The following BCL2 variants were observed in gnomAD, a reference collection of about 807,000 sequenced individuals.
The protein encoded by BCL2 is BCL2 apoptosis regulator.
In BCL2, 1 loss-of-function variant was observed where a neutral mutation model predicts 14.2. The ratio of observed to expected loss-of-function variants is 0.07; its 90% CI spans 0.02 to 0.33. BCL2 has a LOEUF of 0.33. BCL2 is among the 10% of genes least tolerant of loss of function. The pLI is 0.99. For synonymous variants in BCL2, 151 were observed against 137.2 expected (o/e 1.10, Z -0.70); for missense variants, 247 against 305.9 (o/e 0.81, Z 1.44).
intron 2 of BCL2, among the ~76,000 whole-genome samples, chr18:63,158,751 T>C (rs756808925): frequency 1.3e-5 from 2 of 152,240 alleles, no homozygotes; most frequent in African/African-American, 4.8e-5. Context: ...GAGAAATTTA[T>C]AGCGCCGCCT....
intron 2 of BCL2, among the ~76,000 whole-genome samples, chr18:63,150,719 G>A (rs1418088491): frequency 2.0e-5 from 3 of 152,144 alleles, no homozygotes; most frequent in Non-Finnish European, 2.9e-5. Flanking sequence ...AAAAGAAGTC[G>A]ATTTAAATAT....
At chr18:63,194,489 C>G (rs1909387938) in intron 2 of BCL2, among the ~76,000 whole-genome samples, 3 of 151,992 alleles carry the variant, frequency 2.0e-5, no homozygotes, top group Admixed American at 1.3e-4. Context: ...CGTGCGCTAC[C>G]ACGCCCAGCT....
intron 2 of BCL2, among the ~76,000 whole-genome samples, chr18:63,224,356 A>G (rs1337544434): frequency 6.6e-6 from 1 of 152,216 alleles, no homozygotes; most frequent in African/African-American, 2.4e-5. Flanking sequence ...TAGAACAGTC[A>G]TCGTGAAATT....
At chr18:63,141,750 G>A (rs973848799) in intron 2 of BCL2, among the ~76,000 whole-genome samples, 5 of 152,190 alleles carry the variant, frequency 3.3e-5, no homozygotes, top group Non-Finnish European at 2.9e-5. Flanking sequence ...CCCACCCCAC[G>A]CCACTGTCCA....
chr18:63,137,969 T>A (rs1239619267), intron 2 of BCL2, among the ~76,000 whole-genome samples: 2 of 152,202 alleles, frequency 1.3e-5, no homozygotes, highest in Non-Finnish European at 2.9e-5. Context: ...TGATCCTAGA[T>A]TCCACCAAGA....
At chr18:63,204,543 C>A (rs935874226) in intron 2 of BCL2, among the ~76,000 whole-genome samples, 6 of 152,170 alleles carry the variant, frequency 3.9e-5, no homozygotes, top group Admixed American at 3.9e-4. Flanking sequence ...ATAATCACAT[C>A]CATATGAACA....
chr18:63,262,926 T>C, intron 2 of BCL2, among the ~76,000 whole-genome samples: 1 of 152,226 alleles, frequency 6.6e-6, no homozygotes, highest in South Asian at 2.1e-4. Flanking sequence ...GGGAACAAAG[T>C]GATCCAATAT....
Position 63,318,480 on chromosome 18 carries a change from G to A in BCL2, c.187C>T (p.Arg63Trp), listed in dbSNP as rs774056251. The A allele has an allele frequency of 2.0e-6, 3 of 1,485,438 alleles. No individual in the cohort carries two copies. The highest frequency in any genetic ancestry group is 2.6e-5 in the East Asian group (1 of 39,208). The allele number at this position is 1,485,438 out of a possible 1,614,324, so 92.0% of individuals were successfully genotyped here. A position where few individuals can be genotyped will look rare whatever the true frequency, so the allele number is the denominator to read the frequency against. The change falls in exon 2 of 3, where the codon CGG (arginine) becomes TGG (tryptophan). Residue 63 changes from arginine (R) to tryptophan (W), a missense_variant. By Grantham distance (101) the Arg-to-Trp change is moderately radical (BLOSUM62 -3). Transcript: ENST00000333681. The surrounding 1 kb of genome is among the most constrained non-coding windows in gnomAD (Gnocchi z 7.4). ...GGCGAGGTCCTGGCGACCGGGTCCC[G>A]GGATGCGGCTGGATGGGGCGTGTGC... ...PGHTPHPAAS[R>W]DPVARTSPLQ... is the part of the protein sequence containing the mutation.
chr18:63,256,788 C>T (rs766187234), intron 2 of BCL2, among the ~76,000 whole-genome samples: 48 of 152,168 alleles, frequency 3.2e-4, no homozygotes, highest in Non-Finnish European at 6.2e-4. Context: ...TGCACATCTT[C>T]CATACCAGGT....
chr18:63,317,470 T>C (rs1913533370), intron 2 of BCL2: 2 of 889,916 alleles, frequency 2.2e-6, no homozygotes, highest in South Asian at 5.2e-5. Flanking sequence ...TCCAAGGACT[T>C]TGGAATGTCA....
At chr18:63,136,706 C>T (rs1488787967) in intron 2 of BCL2, among the ~76,000 whole-genome samples, 1 of 152,178 alleles carries the variant, frequency 6.6e-6, no homozygotes, top group Non-Finnish European at 1.5e-5. Context: ...TCTTGTTAAC[C>T]CACTGAGGGA....
chr18:63,168,366 C>G (rs1915096133), intron 2 of BCL2, among the ~76,000 whole-genome samples: 1 of 152,180 alleles, frequency 6.6e-6, no homozygotes. Context: ...TCCATGTCTA[C>G]AAAACAATTA....
intron 2 of BCL2, chr18:63,208,244 T>A (rs886863239): frequency 8.5e-5 from 13 of 152,226 alleles, no homozygotes; most frequent in African/African-American, 3.1e-4. Flanking sequence ...AAATGCTGAC[T>A]CTGATGAACA....
At chr18:63,266,957 C>T (rs1212041602) in intron 2 of BCL2, among the ~76,000 whole-genome samples, 1 of 152,154 alleles carries the variant, frequency 6.6e-6, no homozygotes, top group Non-Finnish European at 1.5e-5. Flanking sequence ...CTGAAAAGTG[C>T]CCTCAAAGTC....
At chr18:63,220,765 G>A (rs749941601) in intron 2 of BCL2, among the ~76,000 whole-genome samples, 4 of 151,624 alleles carry the variant, frequency 2.6e-5, no homozygotes, top group African/African-American at 4.9e-5. Flanking sequence ...AAGAGCTTCA[G>A]ACTTCAGGGA....
At chr18:63,242,990 T>C (rs1476605753) in intron 2 of BCL2, among the ~76,000 whole-genome samples, 1 of 152,170 alleles carries the variant, frequency 6.6e-6, no homozygotes, top group East Asian at 1.9e-4. Flanking sequence ...ACGGTCGTCT[T>C]CAAGTAACAT....
intron 2 of BCL2, among the ~76,000 whole-genome samples, chr18:63,304,588 C>A (rs934065529): frequency 6.6e-6 from 1 of 152,038 alleles, no homozygotes. Context: ...TGTTTCACAT[C>A]CTTTTTAAAT....
intron 2 of BCL2, among the ~76,000 whole-genome samples, chr18:63,144,744 A>G (rs1392923797): frequency 6.6e-6 from 1 of 152,178 alleles, no homozygotes; most frequent in East Asian, 1.9e-4. Context: ...GTTTGGGGCC[A>G]CCCTGGTGGG....
intron 2 of BCL2, among the ~76,000 whole-genome samples, chr18:63,265,114 A>G (rs1157910866): frequency 1.3e-5 from 2 of 152,230 alleles, no homozygotes; most frequent in African/African-American, 4.8e-5. Context: ...GTCGCCAATC[A>G]AAATAAACAG....
Sources: gnomAD v4.1 joint callset for allele counts (sites outside exome capture counted in the v4.1 genomes callset) on GRCh38, gnomAD v4.1.1 for gene constraint, Gnocchi (gnomAD v3.1) non-coding constraint, MANE v1.5 for transcripts, NCBI Gene and HGNC (gene_info 2026-07-23, HGNC 2026-07-21) for gene names.